THADA: variants seen among roughly 807,000 people sequenced by gnomAD.
THADA encodes the protein tRNA (32-2'-O)-methyltransferase regulator THADA.
A neutral mutation model predicts 219.8 loss-of-function variants in THADA; 213 were observed. That is an observed-to-expected ratio of 0.97 (90% CI 0.87 to 1.09). The LOEUF (loss-of-function observed/expected upper bound fraction) is 1.09, where lower values mean the gene tolerates loss of function less well. Among genes scored for constraint, THADA ranks in the 50% least tolerant of loss-of-function variants. The pLI is 0.00. For missense variants in THADA, 2,956 were observed against 2,311.3 expected (o/e 1.28, Z -5.72); for synonymous variants, 1,018 against 828.9 (o/e 1.23, Z -3.92).
At chr2:43,409,116 C>A (rs1449818446) in intron 28 of THADA, among the ~76,000 whole-genome samples, 1 of 152,188 alleles carries the variant, frequency 6.6e-6, no homozygotes, top group Non-Finnish European at 1.5e-5. Flanking sequence ...TTAAATGAAT[C>A]TTCCCAGTGC....
intron 36 of THADA, among the ~76,000 whole-genome samples, chr2:43,236,545 C>A (rs1056574963): frequency 2.6e-5 from 4 of 152,160 alleles, no homozygotes; most frequent in African/African-American, 7.2e-5. Context: ...AGCAGCCAAG[C>A]AACAAGTGTG....
intron 29 of THADA, among the ~76,000 whole-genome samples, chr2:43,392,230 C>T (rs1483928143): frequency 6.6e-6 from 1 of 152,154 alleles, no homozygotes; most frequent in Non-Finnish European, 1.5e-5. Flanking sequence ...AGCACTAAGA[C>T]ATTGACTCAT....
At chr2:43,385,311 A>G (rs1672515569) in intron 29 of THADA, among the ~76,000 whole-genome samples, 1 of 152,126 alleles carries the variant, frequency 6.6e-6, no homozygotes, top group Admixed American at 6.5e-5. Flanking sequence ...CCTGTAATCT[A>G]AGAAGAAAGG....
At chr2:43,270,083 C>T (rs546418547) in intron 36 of THADA, among the ~76,000 whole-genome samples, 5 of 152,302 alleles carry the variant, frequency 3.3e-5, no homozygotes, top group African/African-American at 7.2e-5. Context: ...CTGGATTATT[C>T]TCAGGGGGCA....
chr2:43,241,098 G>A (rs976478474), intron 36 of THADA, among the ~76,000 whole-genome samples: 1 of 151,970 alleles, frequency 6.6e-6, no homozygotes, highest in African/African-American at 2.4e-5. Context: ...TTTTTTTTAT[G>A]TTTATTTTTT....
At chr2:43,589,677 CAG>C (rs1183482396) in intron 4 of THADA, among the ~76,000 whole-genome samples, 1 of 152,086 alleles carries the variant, frequency 6.6e-6, no homozygotes, top group African/African-American at 2.4e-5. Flanking sequence ...TTTGGAGACT[CAG>C]GGGAAAGGGT....
intron 29 of THADA, among the ~76,000 whole-genome samples, chr2:43,366,441 C>T (rs1184848586): frequency 6.6e-6 from 1 of 152,130 alleles, no homozygotes; most frequent in Non-Finnish European, 1.5e-5. Flanking sequence ...TCACCTTGAT[C>T]TCCAATCTCC....
At chr2:43,329,222 C>T (rs1355842526) in intron 30 of THADA, among the ~76,000 whole-genome samples, 2 of 152,076 alleles carry the variant, frequency 1.3e-5, no homozygotes, top group African/African-American at 4.8e-5. Flanking sequence ...AAGTAGTATC[C>T]AAGAAAACTT....
intron 30 of THADA, among the ~76,000 whole-genome samples, chr2:43,329,392 T>C (rs1390302002): frequency 6.6e-6 from 1 of 152,192 alleles, no homozygotes; most frequent in Non-Finnish European, 1.5e-5. Context: ...GCCTGAGCTA[T>C]GTAAATCACA....
At position 43,235,727 on chromosome 2, in the gene THADA, TG is replaced by T. The variant is rs1157112129; in HGVS notation, c.5297-2846del. On this transcript the variant is annotated intron_variant, in intron 36 of 37. Transcript: ENST00000405975. ...TCCTGTTGAGTCCATAAAGAACCTA[TG>T]GGGGTGACCAGAGATGCCACCAAGG... 1.4e-4 allele frequency among the ~76,000 whole-genome samples: 21 copies of T among 152,214 alleles called. No individual in the cohort carries two copies. The South Asian group carries it at 1.5e-3, about 11-fold the overall frequency.
Position 43,540,164 on chromosome 2 carries a change from C to G in THADA, c.3264+995G>C, listed in dbSNP as rs536972449. Reference sequence around the variant, plus strand: ...AGCAAAGATGTTGGCATTGGCACTACAGCCAGTCACCAGCAATGACTGCAA... The same window carrying G: ...AGCAAAGATGTTGGCATTGGCACTAGAGCCAGTCACCAGCAATGACTGCAA... On this transcript the variant is annotated intron_variant, in intron 21 of 37. Coordinates refer to ENST00000405975, the MANE Select transcript of THADA (RefSeq NM_022065.5). Among the ~76,000 whole-genome samples the G allele has an allele frequency of 2.8e-4, 42 of 152,340 alleles. No homozygotes were observed. The East Asian group carries it at 4.8e-3, about 17-fold the overall frequency.
chr2:43,354,090 T>C (rs1054055929), intron 29 of THADA, among the ~76,000 whole-genome samples: 9 of 152,062 alleles, frequency 5.9e-5, no homozygotes, highest in Non-Finnish European at 1.2e-4. Flanking sequence ...GTGCTGGGAT[T>C]ACAGGCGGGA....
rs367811959 is a variant in THADA at position 43,344,105 on chromosome 2, G to A, written c.4343+17C>T. ...TAACCCCTGATAACTCCTTGCTCAT[G>A]TGGGATTTTAACATACCTCTTGGCC... On this transcript the variant is annotated intron_variant, in intron 30 of 37. Coordinates refer to ENST00000405975, the MANE Select transcript of THADA (RefSeq NM_022065.5). 21 of 1,564,106 alleles carry A rather than the reference G, an allele frequency of 1.3e-5. No individual in the cohort carries two copies. The highest frequency in any genetic ancestry group is 1.6e-5 in the Non-Finnish European group (18 of 1,141,398).
intron 36 of THADA, among the ~76,000 whole-genome samples, chr2:43,248,198 G>C (rs11686747): frequency 3.1e-4 from 43 of 136,584 alleles, no homozygotes; most frequent in African/African-American, 4.2e-4. Flanking sequence ...GAGAGAGAGA[G>C]AGAGAGAGAG....
intron 36 of THADA, among the ~76,000 whole-genome samples, chr2:43,279,225 G>A (rs892075448): frequency 6.6e-6 from 1 of 152,156 alleles, no homozygotes; most frequent in Non-Finnish European, 1.5e-5. Context: ...CCCAGCTAGG[G>A]TGCTCTTCTT....
intron 29 of THADA, among the ~76,000 whole-genome samples, chr2:43,396,079 G>A (rs1674008295): frequency 6.6e-6 from 1 of 152,096 alleles, no homozygotes; most frequent in South Asian, 2.1e-4. Flanking sequence ...CTTTCTAACT[G>A]AATATTGATA....
At chr2:43,264,854 C>T (rs2104229203) in intron 36 of THADA, among the ~76,000 whole-genome samples, 1 of 152,340 alleles carries the variant, frequency 6.6e-6, no homozygotes, top group South Asian at 2.1e-4. Flanking sequence ...GTACCGTGAA[C>T]ATGACAACCA....
intron 36 of THADA, among the ~76,000 whole-genome samples, chr2:43,239,936 G>A (rs1009746821): frequency 2.6e-5 from 4 of 152,208 alleles, no homozygotes; most frequent in African/African-American, 9.7e-5. Context: ...TGTGGAGGAC[G>A]CTGTGTGAAA....
In THADA at chr2:43,541,181, T is replaced by C. The variant is rs1387263033; in HGVS notation, c.3242A>G (p.Asp1081Gly). The C allele has an allele frequency of 1.3e-6, 2 of 1,594,936 alleles. No homozygotes were observed. The highest frequency in any genetic ancestry group is 2.3e-5 in the East Asian group (1 of 44,110). The change falls in exon 21 of 38, where the codon GAT (aspartate) becomes GGT (glycine). Residue 1081 changes from aspartate (D) to glycine (G), a missense_variant. Transcript: ENST00000405975. ...LPMQPVPESS[D>G]GLLTVEQVKE... ...TACCTGCTCCACCGTCAATAATCCA[T>C]CAGAAGATTCTGGCACAGGCTGCAT... is the stretch of plus-strand genomic sequence containing the variant.
Sources: allele counts gnomAD v4.1 joint callset (sites outside exome capture counted in the v4.1 genomes callset), GRCh38; gene constraint gnomAD v4.1.1; transcripts MANE v1.5; gene names NCBI Gene and HGNC (gene_info 2026-07-23, HGNC 2026-07-21).